The following PYGO1 variants were observed in gnomAD, a reference collection of about 807,000 sequenced individuals.
PYGO1 encodes pygopus family PHD finger 1.
A neutral mutation model predicts 29.5 loss-of-function variants in PYGO1; 6 were observed. The observed-to-expected ratio is 0.20, with a 90% confidence interval of 0.11 to 0.40. The LOEUF (loss-of-function observed/expected upper bound fraction) is 0.40, where lower values mean the gene tolerates loss of function less well. PYGO1 is among the 10% of genes least tolerant of loss of function. PYGO1 has a pLI of 1.00. For synonymous variants in PYGO1, 186 were observed against 180.5 expected (o/e 1.03, Z -0.24); for missense variants, 515 against 514.9 (o/e 1.00, Z 0.00).
chr15:55,585,573 A>C (rs1195718383), intron 1 of PYGO1, among the ~76,000 whole-genome samples: 1 of 152,216 alleles, frequency 6.6e-6, no homozygotes, highest in Admixed American at 6.5e-5. Flanking sequence ...TTTTTATTTT[A>C]AAAAGTGTTT....
chr15:55,588,782 G>A, upstream of PYGO1: 2 of 1,612,042 alleles, frequency 1.2e-6, no homozygotes, highest in Non-Finnish European at 1.7e-6. Flanking sequence ...CTCGCAGCTA[G>A]GGATCGGAAA....
At chr15:55,572,166 A>G (rs1351970101) in intron 1 of PYGO1, among the ~76,000 whole-genome samples, 1 of 152,222 alleles carries the variant, frequency 6.6e-6, no homozygotes, top group African/African-American at 2.4e-5. Context: ...ATTTCATACT[A>G]TATGACAAAG....
chr15:55,553,780 T>C (rs774220884), intron 1 of PYGO1, among the ~76,000 whole-genome samples: 6 of 152,042 alleles, frequency 3.9e-5, no homozygotes, highest in South Asian at 2.1e-4. Context: ...AAGCCAGCAA[T>C]AGGTCAGGAC....
At chr15:55,560,848 G>A (rs1317193266) in intron 1 of PYGO1, among the ~76,000 whole-genome samples, 1 of 152,144 alleles carries the variant, frequency 6.6e-6, no homozygotes, top group Non-Finnish European at 1.5e-5. Context: ...TGCAGTCTCA[G>A]CTACTCGGGA....
chr15:55,563,910 G>C (rs1241045633), intron 1 of PYGO1, among the ~76,000 whole-genome samples: 11 of 152,156 alleles, frequency 7.2e-5, no homozygotes, highest in Non-Finnish European at 1.5e-4. Context: ...ATAATAACAA[G>C]CATTGGCAAA....
intron 1 of PYGO1, among the ~76,000 whole-genome samples, chr15:55,585,920 AAC>A (rs2059044432): frequency 6.6e-6 from 1 of 152,322 alleles, no homozygotes; most frequent in African/African-American, 2.4e-5. Context: ...CACAACCACA[AAC>A]AGAAAAAGAC....
intron 1 of PYGO1, among the ~76,000 whole-genome samples, chr15:55,576,319 A>G (rs1472212034): frequency 6.7e-6 from 1 of 148,488 alleles, no homozygotes; most frequent in African/African-American, 2.5e-5. Context: ...AGCCGGGCGT[A>G]GTGGCGGGCG....
intron 1 of PYGO1, among the ~76,000 whole-genome samples, chr15:55,558,195 T>A (rs1332642126): frequency 1.3e-5 from 2 of 152,174 alleles, no homozygotes; most frequent in Non-Finnish European, 2.9e-5. Flanking sequence ...AGCATTCTTA[T>A]ACACCAATAA....
chr15:55,587,276 T>C (rs1272392002), intron 1 of PYGO1, among the ~76,000 whole-genome samples: 1 of 151,980 alleles, frequency 6.6e-6, no homozygotes, highest in East Asian at 1.9e-4. Flanking sequence ...TTAGATAATA[T>C]CTTATCCATA....
At chr15:55,563,094 C>A (rs1279792351) in intron 1 of PYGO1, among the ~76,000 whole-genome samples, 1 of 152,030 alleles carries the variant, frequency 6.6e-6, no homozygotes, top group African/African-American at 2.4e-5. Context: ...AATTGCACTT[C>A]ATCAAAATTA....
At chr15:55,583,186 G>A (rs1256072695) in intron 1 of PYGO1, among the ~76,000 whole-genome samples, 3 of 152,008 alleles carry the variant, frequency 2.0e-5, no homozygotes, top group South Asian at 2.1e-4. Context: ...TATGACAATA[G>A]AAACCTTGTC....
At chr15:55,557,195 TG>T (rs1023146545) in intron 1 of PYGO1, among the ~76,000 whole-genome samples, 5 of 151,950 alleles carry the variant, frequency 3.3e-5, no homozygotes, top group Admixed American at 6.6e-5. Flanking sequence ...CAAACTACCA[TG>T]AGAGAATACT....
chr15:55,554,372 G>C (rs2058893614), intron 1 of PYGO1, among the ~76,000 whole-genome samples: 1 of 151,454 alleles, frequency 6.6e-6, no homozygotes, highest in African/African-American at 2.4e-5. Flanking sequence ...GGGAGGCTGA[G>C]GTGGGAGAAT....
At position 55,546,575 on chromosome 15, in the gene PYGO1, G is replaced by T; in HGVS notation, c.708C>A (p.Pro236=). The change falls in exon 3 of 3, where the codon CCC becomes CCA. Residue 236 remains proline, a synonymous_variant. Transcript: ENST00000563719. The part of the protein sequence containing the change: ...PNTFGQAKAP[P]PKQDFTQGAT... ...CTCCTTGAGTAAAGTCTTGTTTTGG[G>T]GGTGGTGCTTTTGCTTGACCAAAAG... 6.2e-7 allele frequency: 1 copy of T among 1,613,996 alleles called. No homozygotes were observed. The highest frequency in any genetic ancestry group is 1.3e-5 in the African/African-American group (1 of 74,972).
chr15:55,562,397 C>T (rs1475852621), intron 1 of PYGO1, among the ~76,000 whole-genome samples: 2 of 152,120 alleles, frequency 1.3e-5, no homozygotes, highest in Admixed American at 6.5e-5. Context: ...ACTGGCTGAG[C>T]GTGGTGGCTC....
At chr15:55,553,012 G>T (rs2058886580) in intron 1 of PYGO1, among the ~76,000 whole-genome samples, 1 of 152,158 alleles carries the variant, frequency 6.6e-6, no homozygotes, top group African/African-American at 2.4e-5. Context: ...CTGGGGGAGG[G>T]GTGGCCGCCA....
chr15:55,562,234 T>C (rs1190514776), intron 1 of PYGO1, among the ~76,000 whole-genome samples: 1 of 152,198 alleles, frequency 6.6e-6, no homozygotes, highest in African/African-American at 2.4e-5. Context: ...TTTTACACTG[T>C]TGGTGGGAGA....
intron 1 of PYGO1, among the ~76,000 whole-genome samples, chr15:55,557,706 T>C (rs907703774): frequency 6.6e-6 from 1 of 152,144 alleles, no homozygotes; most frequent in Non-Finnish European, 1.5e-5. Context: ...AATCAATAAA[T>C]GTAATCCAGC....
chr15:55,548,792 T>C (rs2058865154), intron 2 of PYGO1, 118 bp downstream of exon 2: 2 of 513,512 alleles, frequency 3.9e-6, no homozygotes, highest in African/African-American at 4.4e-5. Flanking sequence ...GTACAATGAA[T>C]GATTAAAAGT....
Sources: allele counts gnomAD v4.1 joint callset (sites outside exome capture counted in the v4.1 genomes callset), GRCh38; gene constraint gnomAD v4.1.1; transcripts MANE v1.5; gene names NCBI Gene and HGNC (gene_info 2026-07-23, HGNC 2026-07-21).